AIG1: variants seen among roughly 807,000 people sequenced by gnomAD.
AIG1 encodes androgen-induced gene 1 protein.
Under a neutral mutation model 31.4 loss-of-function variants are expected in AIG1, and 23 were observed. The ratio of observed to expected loss-of-function variants is 0.73; its 90% CI spans 0.53 to 1.04. The LOEUF is 1.04. Among genes scored for constraint, AIG1 ranks in the 50% least tolerant of loss-of-function variants. The probability of loss-of-function intolerance (pLI) is 0.00; values close to 1 mark genes in which losing one functional copy is unlikely to be tolerated. For missense variants in AIG1, 274 were observed against 295.0 expected (o/e 0.93, Z 0.52); for synonymous variants, 100 against 110.5 (o/e 0.90, Z 0.60).
At chr6:143,146,570 C>T (rs988410245) in intron 2 of AIG1, among the ~76,000 whole-genome samples, 1 of 151,668 alleles carries the variant, frequency 6.6e-6, no homozygotes, top group Non-Finnish European at 1.5e-5. Context: ...TACCTTTCTC[C>T]TTTCACCTCA....
chr6:143,114,866 A>G (rs10452656), intron 1 of AIG1, among the ~76,000 whole-genome samples: 15,783 of 152,206 alleles, frequency 0.1, 2,577 homozygotes, highest in African/African-American at 0.35. Flanking sequence ...TTTGTGAGAT[A>G]GAGATAGCTG....
chr6:143,127,963 C>T (rs956669799), intron 1 of AIG1, among the ~76,000 whole-genome samples: 3 of 152,178 alleles, frequency 2.0e-5, no homozygotes, highest in Non-Finnish European at 4.4e-5. Context: ...GCTGGGATTA[C>T]AGGCATGAGC....
intron 4 of AIG1, among the ~76,000 whole-genome samples, chr6:143,316,140 A>G (rs1481855106): frequency 6.6e-6 from 1 of 152,136 alleles, no homozygotes; most frequent in Non-Finnish European, 1.5e-5. Context: ...GCAACTATTC[A>G]TGAAGAAGAA....
chr6:143,133,289 A>G (rs978061204), intron 1 of AIG1, among the ~76,000 whole-genome samples: 1 of 152,078 alleles, frequency 6.6e-6, no homozygotes, highest in Non-Finnish European at 1.5e-5. Context: ...TTCCAGGGCT[A>G]TGTTAGTGCC....
intron 2 of AIG1, among the ~76,000 whole-genome samples, chr6:143,147,508 A>G (rs1156325731): frequency 6.6e-6 from 1 of 152,172 alleles, no homozygotes; most frequent in Non-Finnish European, 1.5e-5. Context: ...CTCAAAAGAA[A>G]GAAGACTCCG....
At chr6:143,296,232 T>C (rs959572214) in intron 4 of AIG1, among the ~76,000 whole-genome samples, 3 of 152,162 alleles carry the variant, frequency 2.0e-5, no homozygotes, top group African/African-American at 7.2e-5. Flanking sequence ...AATTGCCAAC[T>C]GAAGCTGATA....
chr6:143,332,959 A>G (rs977936641), intron 4 of AIG1, among the ~76,000 whole-genome samples: 18 of 152,226 alleles, frequency 1.2e-4, no homozygotes, highest in African/African-American at 3.9e-4. Context: ...AATTCTGAAT[A>G]AAGCCTATAA....
intron 1 of AIG1, among the ~76,000 whole-genome samples, chr6:143,102,387 C>T (rs2128484235): frequency 6.7e-6 from 1 of 148,936 alleles, no homozygotes; most frequent in African/African-American, 2.5e-5. Flanking sequence ...ATATTTTCAG[C>T]CGGAAGGGAA....
At chr6:143,204,328 G>A (rs1203959897) in intron 3 of AIG1, among the ~76,000 whole-genome samples, 2 of 152,104 alleles carry the variant, frequency 1.3e-5, no homozygotes, top group East Asian at 3.9e-4. Flanking sequence ...GGAAGTCTGT[G>A]CTCAGCTAGA....
At chr6:143,234,813 G>A (rs1793691232) in intron 3 of AIG1, among the ~76,000 whole-genome samples, 1 of 152,130 alleles carries the variant, frequency 6.6e-6, no homozygotes, top group Admixed American at 6.5e-5. Flanking sequence ...AAAATGCTTG[G>A]ACCTTTAATT....
chr6:143,092,447 G>A (rs9496519), intron 1 of AIG1, among the ~76,000 whole-genome samples: 2,103 of 152,138 alleles, frequency 0.014, 48 homozygotes, highest in African/African-American at 0.047. Flanking sequence ...AGACTTGAAA[G>A]TCAAAATTCC....
rs192194599 is a variant in AIG1, at chr6:143,264,678, G to C, written c.400-19432G>C. On this transcript the variant is annotated intron_variant, in intron 3 of 5. Transcript: ENST00000357847. ...CTGAGCCAGAATCTCACAACAGCTG[G>C]TCTCCCCATGCTAGGATTTATGTGC... Among the ~76,000 whole-genome samples the C allele has an allele frequency of 1.4e-4, 21 of 152,328 alleles. No individual in the cohort carries two copies. The East Asian group carries it at 3.5e-3, about 25-fold the overall frequency.
intron 3 of AIG1, among the ~76,000 whole-genome samples, chr6:143,180,768 A>T (rs1420375943): frequency 6.6e-6 from 1 of 152,192 alleles, no homozygotes; most frequent in Non-Finnish European, 1.5e-5. Flanking sequence ...TTTCCCATGT[A>T]ATTTATGAGG....
intron 2 of AIG1, among the ~76,000 whole-genome samples, chr6:143,153,090 G>A (rs753118547): frequency 1.3e-5 from 2 of 152,216 alleles, no homozygotes; most frequent in East Asian, 1.9e-4. Flanking sequence ...CTGGTCACAG[G>A]GATCCATCCA....
At chr6:143,264,715 C>T (rs1488154544) in intron 3 of AIG1, among the ~76,000 whole-genome samples, 2 of 152,222 alleles carry the variant, frequency 1.3e-5, no homozygotes, top group East Asian at 1.9e-4. Context: ...TTACCAAAAA[C>T]TTTACCTGCG....
At chr6:143,277,072 A>G (rs553952580) in intron 3 of AIG1, among the ~76,000 whole-genome samples, 3 of 152,010 alleles carry the variant, frequency 2.0e-5, no homozygotes, top group Non-Finnish European at 4.4e-5. Context: ...GAGATTGGTG[A>G]TTTTTCTCAG....
At position 143,325,999 on chromosome 6, in the gene AIG1, C is replaced by T. The variant is rs754981227; in HGVS notation, c.516-7283C>T. ...ACCTAAAGATTTAACAACCAGCTCTCATGACAATCTCCAGCACGCCACACT... is the reference window on the plus strand; with the variant it reads ...ACCTAAAGATTTAACAACCAGCTCTTATGACAATCTCCAGCACGCCACACT... On this transcript the variant is annotated intron_variant, in intron 4 of 5. Coordinates refer to ENST00000357847, the MANE Select transcript of AIG1 (RefSeq NM_016108.4). This position sits in a 1 kb window ranked among gnomAD's most constrained non-coding sequence, Gnocchi z 4.3. Among the ~76,000 whole-genome samples the T allele has an allele frequency of 1.3e-5, 2 of 152,192 alleles. No individual in the cohort carries two copies. Among genetic ancestry groups the T allele is most frequent in the Non-Finnish European group, 2.9e-5 (2 of 68,016 alleles).
chr6:143,085,550 G>A (rs1292401581), intron 1 of AIG1, among the ~76,000 whole-genome samples: 2 of 152,148 alleles, frequency 1.3e-5, no homozygotes, highest in Non-Finnish European at 2.9e-5. Flanking sequence ...GTATTTCATA[G>A]CAACCCAGCT....
intron 3 of AIG1, among the ~76,000 whole-genome samples, chr6:143,218,718 T>C (rs1792229517): frequency 6.6e-6 from 1 of 152,166 alleles, no homozygotes. Flanking sequence ...AGGAAGCCCT[T>C]GGCAAAAAGG....
Sources: gnomAD v4.1 joint callset for allele counts (sites outside exome capture counted in the v4.1 genomes callset) on GRCh38, gnomAD v4.1.1 for gene constraint, Gnocchi (gnomAD v3.1) non-coding constraint, MANE v1.5 for transcripts, NCBI Gene and HGNC (gene_info 2026-07-23, HGNC 2026-07-21) for gene names.